The following ATXN7L1 variants were observed in gnomAD, a reference collection of about 807,000 sequenced individuals.
The protein encoded by ATXN7L1 is ataxin 7 like 1.
Under a neutral mutation model 70.8 loss-of-function variants are expected in ATXN7L1, and 15 were observed. That is an observed-to-expected ratio of 0.21 (90% CI 0.14 to 0.33). The LOEUF (loss-of-function observed/expected upper bound fraction) is 0.33, where lower values mean the gene tolerates loss of function less well. ATXN7L1 is among the 10% of genes least tolerant of loss of function. ATXN7L1 has a pLI of 1.00. For missense variants in ATXN7L1, 975 were observed against 1,097.1 expected (o/e 0.89, Z 1.57); for synonymous variants, 440 against 445.1 (o/e 0.99, Z 0.14).
chr7:105,819,764 C>G (rs959178684), intron 2 of ATXN7L1: 1 of 715,638 alleles, frequency 1.4e-6, no homozygotes, highest in Non-Finnish European at 2.6e-6. Flanking sequence ...CCCCACAAGA[C>G]AAAGCAAGGC....
intron 2 of ATXN7L1, among the ~76,000 whole-genome samples, chr7:105,791,617 G>C (rs1039929676): frequency 2.6e-5 from 4 of 152,142 alleles, no homozygotes; most frequent in African/African-American, 9.7e-5. Flanking sequence ...GTTCTCCGAA[G>C]ATACATTTGA....
intron 3 of ATXN7L1, among the ~76,000 whole-genome samples, chr7:105,768,653 T>A (rs1222124627): frequency 3.3e-5 from 5 of 152,236 alleles, no homozygotes; most frequent in Admixed American, 3.3e-4. Context: ...GCTGAAGGGA[T>A]TTATTCCCAG....
intron 2 of ATXN7L1, among the ~76,000 whole-genome samples, chr7:105,840,128 C>T (rs1472329196): frequency 6.6e-6 from 1 of 152,160 alleles, no homozygotes; most frequent in African/African-American, 2.4e-5. Context: ...CTGGGAGGGC[C>T]CACAAGGGCC....
intron 3 of ATXN7L1, among the ~76,000 whole-genome samples, chr7:105,723,700 GC>G (rs1173207499): frequency 6.6e-6 from 1 of 152,190 alleles, no homozygotes; most frequent in Non-Finnish European, 1.5e-5. Context: ...CAGCCCTGCA[GC>G]CTCTTCCCTT....
chr7:105,739,887 T>C (rs1270700569), intron 3 of ATXN7L1, among the ~76,000 whole-genome samples: 1 of 152,188 alleles, frequency 6.6e-6, no homozygotes, highest in African/African-American at 2.4e-5. Context: ...TGCCCCAGGT[T>C]CTAAAAGCAA....
At chr7:105,771,410 T>C (rs1230176127) in intron 3 of ATXN7L1, among the ~76,000 whole-genome samples, 1 of 152,182 alleles carries the variant, frequency 6.6e-6, no homozygotes. Context: ...ATCTGATTTA[T>C]GAAAATAGGT....
intron 2 of ATXN7L1, among the ~76,000 whole-genome samples, chr7:105,812,729 G>A (rs1808609453): frequency 6.6e-6 from 1 of 152,182 alleles, no homozygotes; most frequent in African/African-American, 2.4e-5. Flanking sequence ...AGCTGGGCAT[G>A]GTGGCTCACG....
At chr7:105,870,965 A>G (rs190234094) in intron 2 of ATXN7L1, among the ~76,000 whole-genome samples, 109 of 152,312 alleles carry the variant, frequency 7.2e-4, no homozygotes, top group Middle Eastern at 6.8e-3. Context: ...AATGATTTGC[A>G]GCAGAATATT....
chr7:105,774,577 T>C (rs1417796138), intron 3 of ATXN7L1, among the ~76,000 whole-genome samples: 1 of 152,114 alleles, frequency 6.6e-6, no homozygotes, highest in Non-Finnish European at 1.5e-5. Context: ...GGTCTCCAAC[T>C]CCTGACCTCA....
intron 2 of ATXN7L1, among the ~76,000 whole-genome samples, chr7:105,820,993 G>A (rs1331278789): frequency 6.6e-6 from 1 of 152,210 alleles, no homozygotes; most frequent in African/African-American, 2.4e-5. Flanking sequence ...CATGCTTCCT[G>A]TACAGCCTGC....
chr7:105,722,222 C>A (rs610340), intron 3 of ATXN7L1, among the ~76,000 whole-genome samples: 2 of 152,120 alleles, frequency 1.3e-5, no homozygotes, highest in Non-Finnish European at 2.9e-5. Flanking sequence ...TGTGTGTACA[C>A]GTGCGTGCCT....
intron 3 of ATXN7L1, among the ~76,000 whole-genome samples, chr7:105,756,317 A>G (rs573695919): frequency 1.3e-5 from 2 of 152,262 alleles, no homozygotes; most frequent in African/African-American, 4.8e-5. Context: ...TCACTTTCTC[A>G]TGAGCATGTG....
chr7:105,614,595 T>C lies in ATXN7L1; in HGVS notation c.1739A>G (p.His580Arg). ...TSPDPSALMS[H>R]TTAFPHVAAT... ...GGCCACATGAGGGAAAGCTGTGGTG[T>C]GGGACATGAGGGCGCTCGGGTCCGG... Residue 580 changes from histidine to arginine, a missense_variant, in exon 10 of 12, where the codon CAC becomes CGC. Coordinates refer to ENST00000419735, the MANE Select transcript of ATXN7L1 (RefSeq NM_020725.2). The surrounding 1 kb of genome is among the most constrained non-coding windows in gnomAD (Gnocchi z 4.3). The C allele has an allele frequency of 6.4e-7, 1 of 1,551,758 alleles. No individual in the cohort carries two copies. The highest frequency in any genetic ancestry group is 8.7e-7 in the Non-Finnish European group (1 of 1,146,930).
intron 3 of ATXN7L1, among the ~76,000 whole-genome samples, chr7:105,754,401 C>CTTCCT (rs1554451091): frequency 6.9e-6 from 1 of 145,854 alleles, no homozygotes; most frequent in Non-Finnish European, 1.5e-5. Context: ...TTCTTTCTTT[C>CTTCCT]TTTTTTTTTT....
chr7:105,615,160 AC>A (rs1175471157), intron 9 of ATXN7L1, among the ~76,000 whole-genome samples: 1 of 150,682 alleles, frequency 6.6e-6, no homozygotes, highest in African/African-American at 2.4e-5. Flanking sequence ...CACTGCCCCC[AC>A]CCCCCAACTC....
At chr7:105,867,753 T>A (rs1817690344) in intron 2 of ATXN7L1, among the ~76,000 whole-genome samples, 1 of 152,250 alleles carries the variant, frequency 6.6e-6, no homozygotes, top group South Asian at 2.1e-4. Context: ...CTATTTTTCT[T>A]GTGTTCTTAC....
rs1562879769 is a variant in ATXN7L1 at position 105,606,836 on chromosome 7, G to T, written c.*1016C>A. The T allele has an allele frequency of 6.6e-6, 1 of 152,176 alleles. No individual in the cohort carries two copies. The highest frequency in any genetic ancestry group is 1.5e-5 in the Non-Finnish European group (1 of 68,042). The allele number at this position is 152,176 out of a possible 1,614,324, so 9.4% of individuals were successfully genotyped here. A position where few individuals can be genotyped will look rare whatever the true frequency, so the allele number is the denominator to read the frequency against. ...AAAGGTTTGACACATACCCTTTTGT[G>T]GAAGCTCTCCCTGGGGGGCTCTTCC... is the stretch of plus-strand genomic sequence containing the variant. On this transcript the variant is annotated 3_prime_UTR_variant, in exon 12 of 12. Coordinates refer to ENST00000419735, the MANE Select transcript of ATXN7L1 (RefSeq NM_020725.2).
chr7:105,737,513 G>A (rs1047895924), intron 3 of ATXN7L1, among the ~76,000 whole-genome samples: 3 of 150,822 alleles, frequency 2.0e-5, no homozygotes, highest in African/African-American at 7.3e-5. Flanking sequence ...CTAGCATGCT[G>A]CCTACTAACG....
At chr7:105,843,649 G>T (rs1813551655) in intron 2 of ATXN7L1, among the ~76,000 whole-genome samples, 1 of 152,198 alleles carries the variant, frequency 6.6e-6, no homozygotes, top group East Asian at 1.9e-4. Flanking sequence ...CACTGTGAGG[G>T]GTGGTTACCC....
Sources: gnomAD v4.1 joint callset for allele counts (sites outside exome capture counted in the v4.1 genomes callset) on GRCh38, gnomAD v4.1.1 for gene constraint, Gnocchi (gnomAD v3.1) non-coding constraint, MANE v1.5 for transcripts, NCBI Gene and HGNC (gene_info 2026-07-23, HGNC 2026-07-21) for gene names.